The following HUNK variants were observed in gnomAD, a reference collection of about 807,000 sequenced individuals.
HUNK encodes the protein hormonally up-regulated Neu-associated kinase, also known as hormonally up-regulated neu tumor-associated kinase.
In HUNK, 21 loss-of-function variants were observed where a neutral mutation model predicts 61.0. The ratio of observed to expected loss-of-function variants is 0.34; its 90% CI spans 0.24 to 0.50. The LOEUF is 0.50. HUNK is among the 20% of genes least tolerant of loss of function. The pLI is 0.98. For synonymous variants in HUNK, 371 were observed against 386.1 expected, an observed-to-expected ratio of 0.96 and a Z score of 0.46; for missense variants, 772 against 945.7, an observed-to-expected ratio of 0.82 and a Z score of 2.41.
intron 1 of HUNK, among the ~76,000 whole-genome samples, chr21:31,908,251 G>A (rs7279016): frequency 2.0e-5 from 3 of 151,962 alleles, no homozygotes; most frequent in African/African-American, 7.3e-5. Context: ...GAGTGGGGGC[G>A]TGCTGGCAGC....
At chr21:31,973,402 C>T (rs112703852) in intron 6 of HUNK, among the ~76,000 whole-genome samples, 2,787 of 152,146 alleles carry the variant, frequency 0.018, 85 homozygotes, top group African/African-American at 0.063. Flanking sequence ...TGAGAAGATG[C>T]GGTGTTTGGT....
At chr21:31,987,350 G>A (rs1383354450) in intron 8 of HUNK, among the ~76,000 whole-genome samples, 1 of 152,194 alleles carries the variant, frequency 6.6e-6, no homozygotes, top group Non-Finnish European at 1.5e-5. Flanking sequence ...CTCGTGCTTT[G>A]CATGTCACTC....
chr21:31,882,502 T>C (rs2052315224), intron 1 of HUNK, among the ~76,000 whole-genome samples: 1 of 152,176 alleles, frequency 6.6e-6, no homozygotes, highest in Non-Finnish European at 1.5e-5. Context: ...CCCACATACA[T>C]ATTTGTAAAT....
At chr21:31,943,349 T>C (rs2052781443) in intron 3 of HUNK, among the ~76,000 whole-genome samples, 1 of 152,182 alleles carries the variant, frequency 6.6e-6, no homozygotes. Context: ...ACAGGTTCAC[T>C]TGGGCGTTTT....
intron 5 of HUNK, among the ~76,000 whole-genome samples, chr21:31,963,663 A>ATT (rs35733968): frequency 7.9e-5 from 12 of 151,486 alleles, no homozygotes; most frequent in African/African-American, 2.4e-4. Context: ...TGCCCAGCTA[A>ATT]TTTTTTTTGG....
At chr21:31,926,983 T>TCCTTTATTTCTTTCTC (rs2052664855) in intron 2 of HUNK, among the ~76,000 whole-genome samples, 1 of 149,434 alleles carries the variant, frequency 6.7e-6, no homozygotes, top group African/African-American at 2.4e-5. Context: ...CTTTCTTTCT[T>TCCTTTATTTCTTTCTC]CCTTTCTTTC....
intron 8 of HUNK, among the ~76,000 whole-genome samples, chr21:31,987,408 A>G (rs890920267): frequency 3.3e-5 from 5 of 152,158 alleles, no homozygotes; most frequent in African/African-American, 1.2e-4. Flanking sequence ...GGAGAGCCCA[A>G]TGTGTGTACC....
At chr21:31,955,262 T>G (rs117427222) in intron 4 of HUNK, among the ~76,000 whole-genome samples, 1,827 of 151,356 alleles carry the variant, frequency 0.012, 81 homozygotes, top group Admixed American at 0.069. Flanking sequence ...AAAGTGATTT[T>G]TTTTTTTTTG....
chr21:31,917,603 G>A (rs1490363832), intron 1 of HUNK, among the ~76,000 whole-genome samples: 1 of 151,372 alleles, frequency 6.6e-6, no homozygotes, highest in Non-Finnish European at 1.5e-5. Flanking sequence ...GATGAGTCTC[G>A]GTTTTACTGA....
chr21:31,977,571 A>G (rs1210383376), intron 7 of HUNK, among the ~76,000 whole-genome samples: 1 of 152,182 alleles, frequency 6.6e-6, no homozygotes, highest in African/African-American at 2.4e-5. Flanking sequence ...AAACTGTCCT[A>G]TGTTTACTTC....
intron 1 of HUNK, among the ~76,000 whole-genome samples, chr21:31,885,666 T>C (rs991492178): frequency 5.9e-5 from 9 of 152,182 alleles, no homozygotes; most frequent in African/African-American, 2.2e-4. Flanking sequence ...ATGGCTGTCT[T>C]CTTCCTGTGT....
At chr21:31,952,521 C>T (rs936147588) in intron 4 of HUNK, among the ~76,000 whole-genome samples, 3 of 152,146 alleles carry the variant, frequency 2.0e-5, no homozygotes, top group African/African-American at 7.2e-5. Flanking sequence ...TTAAAATTGC[C>T]AGCGACTTCT....
chr21:31,890,923 A>G (rs1457502685), intron 1 of HUNK, among the ~76,000 whole-genome samples: 1 of 152,110 alleles, frequency 6.6e-6, no homozygotes, highest in Non-Finnish European at 1.5e-5. Context: ...TTATTGGTTT[A>G]TAGAAACTCT....
intron 2 of HUNK, among the ~76,000 whole-genome samples, chr21:31,928,967 T>C (rs960885204): frequency 6.6e-6 from 1 of 152,114 alleles, no homozygotes; most frequent in Non-Finnish European, 1.5e-5. Flanking sequence ...AGTAAATACA[T>C]TGGATGATGC....
chr21:31,892,867 C>T lies in HUNK; in HGVS notation c.261+18932C>T, dbSNP rs368320576. 2.6e-5 allele frequency among the ~76,000 whole-genome samples: 4 copies of T among 152,250 alleles called. No individual in the cohort carries two copies. In the East Asian group the frequency reaches 5.8e-4, roughly 22 times the overall value. On this transcript the variant is annotated intron_variant, in intron 1 of 10. Coordinates refer to ENST00000270112, the MANE Select transcript of HUNK (RefSeq NM_014586.2). ...GGGATTCCACTTTCCTCTTGCCCAC[C>T]TCTGCCGCAGACCTCCCTTTCTTGG...
At chr21:31,957,765 C>A (rs2052899576) in intron 4 of HUNK, among the ~76,000 whole-genome samples, 1 of 152,116 alleles carries the variant, frequency 6.6e-6, no homozygotes, top group African/African-American at 2.4e-5. Flanking sequence ...GTATTTCAAC[C>A]ACATCTGAGA....
intron 1 of HUNK, among the ~76,000 whole-genome samples, chr21:31,903,558 G>A (rs1833484343): frequency 6.6e-6 from 1 of 152,142 alleles, no homozygotes; most frequent in African/African-American, 2.4e-5. Flanking sequence ...TTGACTAAAT[G>A]ATGAATAAGA....
intron 2 of HUNK, among the ~76,000 whole-genome samples, chr21:31,931,946 C>T (rs916439128): frequency 1.3e-5 from 2 of 152,130 alleles, no homozygotes; most frequent in East Asian, 3.9e-4. Context: ...GCGCGCCCAC[C>T]GCCATATACA....
At chr21:31,881,626 A>ACAG (rs1568915188) in intron 1 of HUNK, among the ~76,000 whole-genome samples, 2 of 152,134 alleles carry the variant, frequency 1.3e-5, no homozygotes, top group African/African-American at 4.8e-5. Context: ...CTCCATAACA[A>ACAG]CAGCAGCAGC....
Sources: gnomAD v4.1 joint callset for allele counts (sites outside exome capture counted in the v4.1 genomes callset) on GRCh38, gnomAD v4.1.1 for gene constraint, MANE v1.5 for transcripts, NCBI Gene and HGNC (gene_info 2026-07-23, HGNC 2026-07-21) for gene names.